Variants in C3AR1 observed in about 807,000 individuals in gnomAD.
The protein encoded by C3AR1 is C3a anaphylatoxin chemotactic receptor.
For synonymous variants in C3AR1, 208 were observed against 225.3 expected, an observed-to-expected ratio of 0.92 and a Z score of 0.69; for missense variants, 579 against 583.5, an observed-to-expected ratio of 0.99 and a Z score of 0.08.
intron 1 of C3AR1, among the ~76,000 whole-genome samples, chr12:8,063,018 T>C (rs1315927952): frequency 3.3e-5 from 4 of 122,536 alleles, no homozygotes; most frequent in Admixed American, 2.1e-4. Flanking sequence ...AGTGCAATGG[T>C]GCGATCTCGG....
chr12:8,062,659 C>A (rs1177970307), intron 1 of C3AR1, among the ~76,000 whole-genome samples: 2 of 151,688 alleles, frequency 1.3e-5, no homozygotes, highest in Non-Finnish European at 2.9e-5. Context: ...TTTCTTTTTT[C>A]TTGAGATGGA....
At chr12:8,064,982 G>A (rs2120407682) in intron 1 of C3AR1, among the ~76,000 whole-genome samples, 1 of 152,014 alleles carries the variant, frequency 6.6e-6, no homozygotes, top group African/African-American at 2.4e-5. Flanking sequence ...ACAGTGTGCT[G>A]GGGTTACAGA....
intron 1 of C3AR1, among the ~76,000 whole-genome samples, chr12:8,065,521 G>A (rs1947322266): frequency 6.6e-6 from 1 of 152,090 alleles, no homozygotes; most frequent in African/African-American, 2.4e-5. Context: ...GGGTGTGGTA[G>A]CACGTGCCTG....
Position 8,057,617 on chromosome 12 carries a change from G to A in C3AR1, c.*1120C>T, listed in dbSNP as rs968633125. ...CCTTATTAAATTATTTTAAAACTAT[G>A]TGCATGTATTACTTTGGCAAAGAAA... On this transcript the variant is annotated 3_prime_UTR_variant, in exon 2 of 2. Coordinates refer to ENST00000307637, the MANE Select transcript of C3AR1 (RefSeq NM_004054.4). Among the ~76,000 whole-genome samples, 3 of 152,132 alleles carry A rather than the reference G, an allele frequency of 2.0e-5. No individual in the cohort carries two copies. The highest frequency in any genetic ancestry group is 2.9e-5 in the Non-Finnish European group (2 of 68,036).
At chr12:8,065,922 G>C (rs11567810) in intron 1 of C3AR1, among the ~76,000 whole-genome samples, 2 of 147,264 alleles carry the variant, frequency 1.4e-5, no homozygotes, top group Non-Finnish European at 3.0e-5. Context: ...ATGGGCAAAA[G>C]AATAAAAAAA....
rs138634766 is a variant in C3AR1, at chr12:8,065,619, A to T, written c.-11+659T>A. Among the ~76,000 whole-genome samples the T allele has an allele frequency of 3.2e-4, 44 of 137,184 alleles. No individual in the cohort carries two copies. The East Asian group carries it at 9.7e-3, about 30-fold the overall frequency. 90.0% of individuals were successfully genotyped at this position (137,184 alleles called of 152,430 possible). A position where few individuals can be genotyped will look rare whatever the true frequency, so the allele number is the denominator to read the frequency against. On this transcript the variant is annotated intron_variant, in intron 1 of 1. Transcript: ENST00000307637. ...CAGTGAGCTGAGATCATGCTACTGT[A>T]CTCCAGCCTGGGCAACAGAGTGAGA...
rs71451936 is a variant in C3AR1 at position 8,062,949 on chromosome 12, C to CTTTTTTT, written c.-10-2761_-10-2755dup. 1.6e-3 allele frequency among the ~76,000 whole-genome samples: 89 copies of CTTTTTTT among 56,326 alleles called. 12 individuals carry two copies. The highest frequency in any genetic ancestry group is 5.9e-3 in the African/African-American group (83 of 14,012). The allele number at this position is 56,326 out of a possible 152,430, so 37.0% of individuals were successfully genotyped here. A position where few individuals can be genotyped will look rare whatever the true frequency, so the allele number is the denominator to read the frequency against. ...CAGGCGTGAGCCACCGCGCCCGGCC[C>CTTTTTTT]TTTTTTTTTTTTTTTTTTTTTTTTT... is the stretch of plus-strand genomic sequence containing the variant. On this transcript the variant is annotated intron_variant, in intron 1 of 1. Coordinates refer to ENST00000307637, the MANE Select transcript of C3AR1 (RefSeq NM_004054.4).
At chr12:8,060,552 G>A (rs1022065207) in intron 1 of C3AR1, among the ~76,000 whole-genome samples, 1 of 152,100 alleles carries the variant, frequency 6.6e-6, no homozygotes, top group Non-Finnish European at 1.5e-5. Context: ...GCACCACCAC[G>A]CCTGGCTAAT....
In C3AR1 at chr12:8,059,705, G is replaced by A. The variant is rs763665281; in HGVS notation, c.481C>T (p.Arg161Trp). 137 of 1,613,950 alleles carry A rather than the reference G, an allele frequency of 8.5e-5. No homozygotes were observed. The highest frequency in any genetic ancestry group is 2.5e-4 in the East Asian group (11 of 44,884). Residue 161 changes from arginine to tryptophan, a missense_variant, in exon 2 of 2, where the codon CGG (arginine) becomes TGG (tryptophan). By Grantham distance (101) the Arg-to-Trp change is moderately radical. Coordinates refer to ENST00000307637, the MANE Select transcript of C3AR1 (RefSeq NM_004054.4). The part of the protein sequence containing the change: ...FVMCIPVFVY[R>W]EIFTTDNHNR... ...TGGTTGTCTGTAGTGAAGATTTCCC[G>A]GTACACGAACACAGGAATGCACATC...
At position 8,059,712 on chromosome 12, in the gene C3AR1, G is replaced by C. The variant is rs755422554; in HGVS notation, c.474C>G (p.Phe158Leu). 1.2e-6 allele frequency: 2 copies of C among 1,614,048 alleles called. No homozygotes were observed. Among genetic ancestry groups the C allele is most frequent in the Non-Finnish European group, 1.7e-6 (2 of 1,180,030 alleles). Residue 158 changes from phenylalanine to leucine, a missense_variant, in exon 2 of 2, where the codon TTC (phenylalanine) becomes TTG (leucine). By Grantham distance (22) the Phe-to-Leu change is conservative. Transcript: ENST00000307637. The part of the protein sequence containing the change: ...VVAFVMCIPV[F>L]VYREIFTTDN... ...CTGTAGTGAAGATTTCCCGGTACACGAACACAGGAATGCACATCACAAAAG... is the reference window on the plus strand; with the variant it reads ...CTGTAGTGAAGATTTCCCGGTACACCAACACAGGAATGCACATCACAAAAG...
intron 1 of C3AR1, 60 bp from the exon 2 acceptor site, chr12:8,060,255 T>C: frequency 7.8e-7 from 1 of 1,277,644 alleles, no homozygotes; most frequent in East Asian, 2.3e-5. Context: ...TGCATACATA[T>C]TCTTAGGATT....
rs1182924949 is a variant in C3AR1, at chr12:8,058,115, G to T, written c.*622C>A. On this transcript the variant is annotated 3_prime_UTR_variant, in exon 2 of 2. Coordinates refer to ENST00000307637, the MANE Select transcript of C3AR1 (RefSeq NM_004054.4). Reference sequence around the variant, plus strand: ...GAAATTTCTATATCCTGTACCCAGGGGTGTTCCCAGGGACAGGCATCATTG... The same window carrying T: ...GAAATTTCTATATCCTGTACCCAGGTGTGTTCCCAGGGACAGGCATCATTG... Among the ~76,000 whole-genome samples, 1 of 152,146 alleles carries T rather than the reference G, an allele frequency of 6.6e-6. No homozygotes were observed. The highest frequency in any genetic ancestry group is 2.4e-5 in the African/African-American group (1 of 41,426).
rs78381356 is a variant in C3AR1, at chr12:8,062,737, C to T, written c.-10-2542G>A. ...TTGGCTCACTGCAACCTCCTCCTCC[C>T]GGGTTCAAGTGATTCTCCTGCCTCA... is the stretch of plus-strand genomic sequence containing the variant. On this transcript the variant is annotated intron_variant, in intron 1 of 1. Transcript: ENST00000307637. 2.6e-5 allele frequency among the ~76,000 whole-genome samples: 4 copies of T among 152,116 alleles called. No individual in the cohort carries two copies. In the East Asian group the frequency reaches 7.7e-4, roughly 29 times the overall value.
chr12:8,059,005 T>TG lies in C3AR1; in HGVS notation c.1180dup (p.His394ProfsTer11), dbSNP rs1947230749. The TG allele has an allele frequency of 1.9e-6, 3 of 1,613,612 alleles. No homozygotes were observed. The East Asian group carries it at 6.7e-5, about 36-fold the overall frequency. Reference sequence around the variant, plus strand: ...AAGCAATGACAGGACTCCAAAAATGTGGTATGGAGTCCAGCAGACAAGAAA... The same window carrying TG: ...AAGCAATGACAGGACTCCAAAAATGTGGGTATGGAGTCCAGCAGACAAGAAA... On this transcript the variant is annotated frameshift_variant, in exon 2 of 2. Coordinates refer to ENST00000307637, the MANE Select transcript of C3AR1 (RefSeq NM_004054.4). LOFTEE classifies it low-confidence loss of function (END_TRUNC).
rs781587200 is a variant in C3AR1 at position 8,058,595 on chromosome 12, T to C, written c.*142A>G. The C allele has an allele frequency of 1.0e-5, 9 of 876,366 alleles. No individual in the cohort carries two copies. Among genetic ancestry groups the C allele is most frequent in the East Asian group, 9.9e-5 (4 of 40,518 alleles). The allele number at this position is 876,366 out of a possible 1,614,324, so 54.3% of individuals were successfully genotyped here. The stretch of plus-strand genomic sequence containing the variant: ...AGTTTCTAGGTGATGCTGATGTCAA[T>C]AGTCTGTGTACCGTTTGAGAACCGC... On this transcript the variant is annotated 3_prime_UTR_variant, in exon 2 of 2. Transcript: ENST00000307637.
At position 8,065,653 on chromosome 12, in the gene C3AR1, CA is replaced by C. The variant is rs753950088; in HGVS notation, c.-11+624del. Among the ~76,000 whole-genome samples the C allele has an allele frequency of 4.4e-3, 320 of 72,294 alleles. 1 individual carries two copies. Among genetic ancestry groups the C allele is most frequent in the African/African-American group, 0.011 (228 of 20,706 alleles). The allele number at this position is 72,294 out of a possible 152,430, so 47.4% of individuals were successfully genotyped here. On this transcript the variant is annotated intron_variant, in intron 1 of 1. Transcript: ENST00000307637. ...TGGGCAACAGAGTGAGACTCTGTCT[CA>C]AAAAAAAAAAAAAAAAAAAAAAGTC...
chr12:8,060,192 A>T lies in C3AR1; in HGVS notation c.-7T>A. 6.4e-7 allele frequency: 1 copy of T among 1,568,738 alleles called. No homozygotes were observed. The highest frequency in any genetic ancestry group is 1.4e-5 in the African/African-American group (1 of 72,960). The stretch of plus-strand genomic sequence containing the variant: ...CAGCAGAGAAAGACGCCATTGCTAA[A>T]CTTCTGCAAAAAGATGAAAAAAATG... On this transcript the variant is annotated 5_prime_UTR_variant, in exon 2 of 2. Coordinates refer to ENST00000307637, the MANE Select transcript of C3AR1 (RefSeq NM_004054.4).
rs765866542 is a variant in C3AR1 at position 8,059,993 on chromosome 12, T to G, written c.193A>C (p.Thr65Pro). Residue 65 changes from threonine (T) to proline (P), a missense_variant, in exon 2 of 2, where the codon ACC becomes CCC. Coordinates refer to ENST00000307637, the MANE Select transcript of C3AR1 (RefSeq NM_004054.4). ...TVNTIWFLHL[T>P]LADLLCCLSL... is the part of the protein sequence containing the mutation. Reference sequence around the variant, plus strand: ...AGGCAGCAGAGGAGGTCCGCCAAGGTGAGGTGGAGGAACCAAATTGTGTTC... The same window carrying G: ...AGGCAGCAGAGGAGGTCCGCCAAGGGGAGGTGGAGGAACCAAATTGTGTTC... The G allele has an allele frequency of 6.2e-7, 1 of 1,613,678 alleles. No individual in the cohort carries two copies. Among genetic ancestry groups the G allele is most frequent in the South Asian group, 1.1e-5 (1 of 91,036 alleles).
intron 1 of C3AR1, among the ~76,000 whole-genome samples, chr12:8,061,604 A>C (rs1947274864): frequency 6.6e-6 from 1 of 152,098 alleles, no homozygotes; most frequent in South Asian, 2.1e-4. Flanking sequence ...CTGGGACTGC[A>C]GTTGCCCACC....
Sources: allele counts gnomAD v4.1 joint callset (sites outside exome capture counted in the v4.1 genomes callset), GRCh38; gene constraint gnomAD v4.1.1; transcripts MANE v1.5; gene names NCBI Gene and HGNC (gene_info 2026-07-23, HGNC 2026-07-21).